The following C6 variants were observed in gnomAD, a reference collection of about 807,000 sequenced individuals.
C6 encodes complement component C6.
In C6, 101 loss-of-function variants were observed where a neutral mutation model predicts 112.9. The observed-to-expected ratio is 0.89, with a 90% CI of 0.76 to 1.06. The LOEUF is 1.06. C6 is among the 50% of genes least tolerant of loss of function. The probability of loss-of-function intolerance (pLI) is 0.00; values close to 1 mark genes in which losing one functional copy is unlikely to be tolerated. For missense variants in C6, 1,202 were observed against 1,104.6 expected (o/e 1.09, Z -1.25); for synonymous variants, 431 against 384.1 (o/e 1.12, Z -1.43).
chr5:41,196,068 G>C, intron 4 of C6, 135 bp from the exon 5 acceptor site: 1 of 996,406 alleles, frequency 1.0e-6, no homozygotes, highest in Non-Finnish European at 1.5e-6. Context: ...TAGAGTTTTA[G>C]GGAGCACATA....
At chr5:41,230,171 C>T (rs1157104532) in intron 1 of C6, among the ~76,000 whole-genome samples, 5 of 152,012 alleles carry the variant, frequency 3.3e-5, no homozygotes, top group Non-Finnish European at 7.4e-5. Flanking sequence ...GATTGTAAAA[C>T]ATATATGTTT....
At chr5:41,257,381 G>A (rs75650524) in intron 1 of C6, among the ~76,000 whole-genome samples, 11,705 of 151,866 alleles carry the variant, frequency 0.077, 597 homozygotes, top group Middle Eastern at 0.16. Context: ...ATACCTTTCC[G>A]TGGTATATGT....
rs571989843 is a variant in C6 at position 41,201,084 on chromosome 5, C to T, written c.300+474G>A. 1.3e-3 allele frequency among the ~76,000 whole-genome samples: 205 copies of T among 151,950 alleles called. 1 individual carries two copies. Among genetic ancestry groups the T allele is most frequent in the Admixed American group, 2.1e-3 (32 of 15,252 alleles). ...TTATTTAAAATATTGTATAAATTAT[C>T]TTCAGGCTATATGTATAAGGTATAT... On this transcript the variant is annotated intron_variant, in intron 3 of 17. Transcript: ENST00000337836.
intron 1 of C6, among the ~76,000 whole-genome samples, chr5:41,247,004 T>A (rs1436627175): frequency 2.0e-5 from 3 of 152,088 alleles, no homozygotes; most frequent in Non-Finnish European, 4.4e-5. Context: ...TAATAAAAAT[T>A]TTGGTTAGAT....
At chr5:41,165,122 G>C (rs980210815) in intron 9 of C6, among the ~76,000 whole-genome samples, 1 of 152,120 alleles carries the variant, frequency 6.6e-6, no homozygotes, top group Non-Finnish European at 1.5e-5. Flanking sequence ...CTTTTGCTCA[G>C]TTTTATGTTT....
intron 1 of C6, among the ~76,000 whole-genome samples, chr5:41,211,225 C>T (rs546575183): frequency 2.9e-4 from 44 of 151,766 alleles, no homozygotes; most frequent in Admixed American, 9.9e-4. Context: ...CATCATACAC[C>T]GGGGCCTGTA....
intron 1 of C6, 130 bp from the exon 2 acceptor site, chr5:41,203,380 T>G: frequency 1.2e-6 from 1 of 829,796 alleles, no homozygotes; most frequent in Non-Finnish European, 1.9e-6. Context: ...TTAAGGCAAG[T>G]CAACACCTAC....
chr5:41,171,796 A>T (rs539204235), intron 9 of C6, among the ~76,000 whole-genome samples: 1 of 152,212 alleles, frequency 6.6e-6, no homozygotes, highest in East Asian at 1.9e-4. Flanking sequence ...ACAAAATCTG[A>T]TGTATTTCAA....
At chr5:41,152,882 T>C (rs2150241189) in intron 15 of C6, 1 of 152,310 alleles carries the variant, frequency 6.6e-6, no homozygotes, top group East Asian at 1.9e-4. Flanking sequence ...TCAATGATCT[T>C]ATGCAAGGAA....
At chr5:41,144,893 T>A (rs1470087133) in intron 17 of C6, among the ~76,000 whole-genome samples, 3 of 152,356 alleles carry the variant, frequency 2.0e-5, no homozygotes, top group East Asian at 3.9e-4. Context: ...GCTCCATCCA[T>A]GTTGCTGCAA....
Position 41,155,744 on chromosome 5 carries a change from A to C in C6, c.1969-640T>G, listed in dbSNP as rs572139867. 2.8e-3 allele frequency among the ~76,000 whole-genome samples: 420 copies of C among 152,004 alleles called. 2 individuals are homozygous for C. Among genetic ancestry groups the C allele is most frequent in the African/African-American group, 9.8e-3 (405 of 41,396 alleles). On this transcript the variant is annotated intron_variant, in intron 13 of 17. Coordinates refer to ENST00000337836, the MANE Select transcript of C6 (RefSeq NM_000065.5). ...ATCCTGTCTCAAAACAAAAACCAAA[A>C]AACAAACAAACAAACAAAAACCCAA...
chr5:41,259,049 T>C (rs900269055), intron 1 of C6, among the ~76,000 whole-genome samples: 2 of 152,134 alleles, frequency 1.3e-5, no homozygotes, highest in Non-Finnish European at 2.9e-5. Context: ...TGTTTATGGG[T>C]TTTAAGTTCA....
intron 2 of C6, among the ~76,000 whole-genome samples, chr5:41,202,809 A>AAGGCTTGG (rs1554030221): frequency 6.6e-6 from 1 of 152,172 alleles, no homozygotes; most frequent in African/African-American, 2.4e-5. Flanking sequence ...CTGATTGAAA[A>AAGGCTTGG]AAGCTTGGGT....
intron 9 of C6, among the ~76,000 whole-genome samples, chr5:41,162,179 T>C (rs1031404475): frequency 1.5e-4 from 23 of 152,180 alleles, no homozygotes; most frequent in African/African-American, 5.3e-4. Context: ...CCGAAAGTAA[T>C]TTGTCCTGGA....
At chr5:41,147,637 G>A (rs1316930963) in intron 17 of C6, among the ~76,000 whole-genome samples, 1 of 152,136 alleles carries the variant, frequency 6.6e-6, no homozygotes, top group East Asian at 1.9e-4. Flanking sequence ...CAAAAGTAAG[G>A]TGGTTTCAGC....
At chr5:41,213,866 T>A (rs1336935606), upstream of C6, among the ~76,000 whole-genome samples, 1 of 152,162 alleles carries the variant, frequency 6.6e-6, no homozygotes. Flanking sequence ...TGTAGAAAAT[T>A]CAAAAGAATC....
rs142578235 is a variant in C6 at position 41,260,483 on chromosome 5, T to G, written c.-21+711A>C. On this transcript the variant is annotated intron_variant, in intron 1 of 17. Transcript: ENST00000263413. ...AAAACAAACAAACAAATAAAAATGC[T>G]GCAACTGCTGGCGCAGTGGCTCATG... Among the ~76,000 whole-genome samples the G allele has an allele frequency of 2.7e-4, 40 of 146,416 alleles. No homozygotes were observed. In the East Asian group the frequency reaches 5.1e-3, roughly 19 times the overall value.
At chr5:41,215,238 T>C (rs192543190), upstream of C6, among the ~76,000 whole-genome samples, 379 of 152,212 alleles carry the variant, frequency 2.5e-3, no homozygotes, top group Admixed American at 3.9e-3. Context: ...CAACAGAGGC[T>C]CTCCAGCCTG....
intron 2 of C6, 152 bp from the exon 3 acceptor site, chr5:41,201,866 T>C (rs1751061514): frequency 1.4e-6 from 1 of 697,594 alleles, no homozygotes; most frequent in East Asian, 2.7e-5. Context: ...TATGCAGTTC[T>C]CACCACTTAA....
Sources: gnomAD v4.1 joint callset for allele counts (sites outside exome capture counted in the v4.1 genomes callset) on GRCh38, gnomAD v4.1.1 for gene constraint, MANE v1.5 for transcripts, NCBI Gene and HGNC (gene_info 2026-07-23, HGNC 2026-07-21) for gene names.